Variants in DNAH6 observed in about 807,000 individuals in gnomAD.
The protein encoded by DNAH6 is axonemal beta dynein heavy chain 6.
In DNAH6, 340 loss-of-function variants were observed where a neutral mutation model predicts 491.4. That is an observed-to-expected ratio of 0.69 (90% CI 0.63 to 0.76). The LOEUF (loss-of-function observed/expected upper bound fraction) is 0.76, where lower values mean the gene tolerates loss of function less well. Ranked by LOEUF, DNAH6 falls within the 30% of genes least tolerant of loss-of-function variation. DNAH6 has a pLI of 0.00. For missense variants in DNAH6, 4,443 were observed against 4,972.2 expected, an observed-to-expected ratio of 0.89 and a Z score of 3.20; for synonymous variants, 1,603 against 1,686.1, an observed-to-expected ratio of 0.95 and a Z score of 1.21.
intron 68 of DNAH6, among the ~76,000 whole-genome samples, chr2:84,790,012 ATTGATGGACCTTGTG>A (rs1256600440): frequency 6.6e-6 from 1 of 152,260 alleles, no homozygotes; most frequent in African/African-American, 2.4e-5. Context: ...AATGTTTTGA[ATTGATGGACCTTGTG>A]TTGAGAAATA....
chr2:84,603,889 A>G (rs1252509171), intron 18 of DNAH6, among the ~76,000 whole-genome samples: 1 of 152,226 alleles, frequency 6.6e-6, no homozygotes. Context: ...AGCCAGCATC[A>G]TAAGGGAAGC....
chr2:84,780,703 G>C lies in DNAH6; in HGVS notation c.10704-790G>C, dbSNP rs188550568. Among the ~76,000 whole-genome samples the C allele has an allele frequency of 2.0e-5, 3 of 151,974 alleles. No homozygotes were observed. The East Asian group carries it at 5.8e-4, about 29-fold the overall frequency. On this transcript the variant is annotated intron_variant, in intron 64 of 76. Transcript: ENST00000389394. ...GAAACACTGATTTTTTGAATTGCCA[G>C]AATTCTTTTGCTGATTCCTAATTAT...
the DNAH6 span, among the ~76,000 whole-genome samples, chr2:84,491,612 A>G: frequency 6.6e-5 from 10 of 152,188 alleles, no homozygotes; most frequent in Non-Finnish European, 1.2e-4. Flanking sequence ...CCTTCATTCT[A>G]TCTTCATTGT....
At chr2:84,731,462 G>C (rs1480474488) in intron 61 of DNAH6, among the ~76,000 whole-genome samples, 1 of 152,204 alleles carries the variant, frequency 6.6e-6, no homozygotes, top group Non-Finnish European at 1.5e-5. Flanking sequence ...GCAGAGGCAA[G>C]CTGAGGAGAC....
rs1196408646 is a variant in DNAH6, at chr2:84,812,431, C to T, written c.11830C>T (p.Gln3944Ter). 6.4e-7 allele frequency: 1 copy of T among 1,551,740 alleles called. No individual in the cohort carries two copies. The highest frequency in any genetic ancestry group is 2.0e-5 in the Admixed American group (1 of 51,010). The change falls in exon 73 of 77, where the codon CAG (glutamine) becomes TAG (stop). Residue 3944 changes from glutamine to a stop codon, truncating the protein, a stop_gained. Coordinates refer to ENST00000389394, the MANE Select transcript of DNAH6 (RefSeq NM_001370.2). LOFTEE classifies it high-confidence loss of function. ...EKVYNSFLNNQVPALWSNTAY... is the reference protein window; with the variant it reads ...EKVYNSFLNN ...AGTGTATAACAGTTTCCTCAACAAC[C>T]AGGTTCCCGCTCTGTGGTCCAACAC... is the stretch of plus-strand genomic sequence containing the variant.
chr2:84,671,238 G>A, intron 39 of DNAH6, among the ~76,000 whole-genome samples: 1 of 152,180 alleles, frequency 6.6e-6, no homozygotes, highest in Non-Finnish European at 1.5e-5. Flanking sequence ...TGCTGTCTGT[G>A]AGGCAGGTTT....
At chr2:84,773,405 A>G (rs1372660800) in intron 64 of DNAH6, among the ~76,000 whole-genome samples, 3 of 151,988 alleles carry the variant, frequency 2.0e-5, no homozygotes, top group African/African-American at 7.2e-5. Context: ...ATATTCCTTT[A>G]TGTGGTTGCA....
intron 14 of DNAH6, among the ~76,000 whole-genome samples, chr2:84,582,740 C>G (rs1327898690): frequency 1.3e-5 from 2 of 152,220 alleles, no homozygotes; most frequent in Non-Finnish European, 2.9e-5. Context: ...GTGCAGTAAG[C>G]CACTGCACCC....
At chr2:84,745,338 G>T in intron 63 of DNAH6, 89 bp downstream of exon 63, 1 of 1,070,434 alleles carries the variant, frequency 9.3e-7, no homozygotes, top group Non-Finnish European at 1.3e-6. Flanking sequence ...TTATTTGAGA[G>T]TAACAATGGC....
chr2:84,687,398 T>C (rs1479663927), intron 44 of DNAH6, among the ~76,000 whole-genome samples: 1 of 152,170 alleles, frequency 6.6e-6, no homozygotes, highest in African/African-American at 2.4e-5. Flanking sequence ...TCTCAATCAA[T>C]GCTGGTTCAA....
At chr2:84,773,994 A>G (rs1675886204) in intron 64 of DNAH6, among the ~76,000 whole-genome samples, 1 of 151,754 alleles carries the variant, frequency 6.6e-6, no homozygotes. Context: ...TCAGATACAT[A>G]TTTTCTCCCA....
chr2:84,677,989 A>C (rs2104709480), intron 41 of DNAH6, among the ~76,000 whole-genome samples: 1 of 152,298 alleles, frequency 6.6e-6, no homozygotes, highest in Admixed American at 6.5e-5. Flanking sequence ...AGTGATGCCC[A>C]AGGATGTGGC....
rs776806210 is a variant in DNAH6, at chr2:84,624,266, G to T, written c.4073G>T (p.Arg1358Ile). Residue 1358 changes from arginine (R) to isoleucine (I), a missense_variant and splice_region_variant, in exon 27 of 77, where the codon AGA (arginine) becomes ATA (isoleucine). Arg to Ile is a moderately conservative substitution (Grantham distance 97). Coordinates refer to ENST00000389394, the MANE Select transcript of DNAH6 (RefSeq NM_001370.2). The part of the protein sequence containing the change: ...LKNFEKVNFE[R>I]LNALAAIVQG... ...CATGACAATTTTTTTTATTTGTAGA[G>T]ATTAAATGCCCTAGCTGCAATAGTT... 5.2e-6 allele frequency: 8 copies of T among 1,542,736 alleles called. No homozygotes were observed. Among genetic ancestry groups the T allele is most frequent in the Non-Finnish European group, 7.0e-6 (8 of 1,144,364 alleles).
Position 84,640,428 on chromosome 2 carries a change from A to G in DNAH6, c.4822-2A>G. On this transcript the variant is annotated splice_acceptor_variant, in intron 31 of 76. Transcript: ENST00000389394. LOFTEE classifies it high-confidence loss of function. ...AGCATTGCATTATTTTTTCTATTCT[A>G]GGTAATTCTATATTCTGAAGGATTT... 6.9e-7 allele frequency: 1 copy of G among 1,456,264 alleles called. No homozygotes were observed. The highest frequency in any genetic ancestry group is 2.5e-5 in the East Asian group (1 of 40,458). The allele number at this position is 1,456,264 out of a possible 1,614,324, so 90.2% of individuals were successfully genotyped here.
At chr2:84,647,824 T>C (rs563280542) in intron 33 of DNAH6, among the ~76,000 whole-genome samples, 2 of 152,360 alleles carry the variant, frequency 1.3e-5, no homozygotes, top group South Asian at 4.1e-4. Flanking sequence ...CATTCTGTTT[T>C]TAGTAGTGGT....
At chr2:84,467,381 G>A in the DNAH6 span, among the ~76,000 whole-genome samples, 1 of 152,264 alleles carries the variant, frequency 6.6e-6, no homozygotes, top group South Asian at 2.1e-4. Context: ...TTAACGCTTA[G>A]CAACTTTTAT....
intron 68 of DNAH6, among the ~76,000 whole-genome samples, chr2:84,788,201 G>A (rs72836486): frequency 0.11 from 15,991 of 152,134 alleles, 1,048 homozygotes; most frequent in Middle Eastern, 0.16. Flanking sequence ...CAATGGGGCC[G>A]AAATTGCTTA....
rs1377613031 is a variant in DNAH6 at position 84,658,475 on chromosome 2, G to A, written c.5940+1G>A. ...GAAAGATGGAGTTAACTTGGCAATG[G>A]TATGAAGAGTTTTCTTATTGCTATG... On this transcript the variant is annotated splice_donor_variant, in intron 36 of 76. Transcript: ENST00000389394. LOFTEE classifies it high-confidence loss of function. 1 of 1,471,934 alleles carries A rather than the reference G, an allele frequency of 6.8e-7. No individual in the cohort carries two copies. The allele number at this position is 1,471,934 out of a possible 1,614,324, so 91.2% of individuals were successfully genotyped here.
chr2:84,505,081 A>G, the DNAH6 span, among the ~76,000 whole-genome samples: 9 of 152,138 alleles, frequency 5.9e-5, no homozygotes, highest in African/African-American at 2.2e-4. Flanking sequence ...CTTTGATTCA[A>G]TTTATTTCTA....
Sources: allele counts gnomAD v4.1 joint callset (sites outside exome capture counted in the v4.1 genomes callset), GRCh38; gene constraint gnomAD v4.1.1; transcripts MANE v1.5; gene names NCBI Gene and HGNC (gene_info 2026-07-23, HGNC 2026-07-21).